The following MORC1 variants were observed in gnomAD, a reference collection of about 807,000 sequenced individuals.
MORC1 encodes the protein MORC family CW-type zinc finger protein 1.
MORC1 carries 59 observed loss-of-function variants against 134.9 expected under a neutral mutation model. The observed-to-expected ratio is 0.44, with a 90% CI of 0.35 to 0.54. The LOEUF is 0.54. MORC1 is among the 20% of genes least tolerant of loss of function. The pLI is 0.00. For synonymous variants in MORC1, 395 were observed against 391.7 expected (o/e 1.01, Z -0.10); for missense variants, 947 against 1,134.5 (o/e 0.83, Z 2.37).
At chr3:108,979,791 C>A in intron 23 of MORC1, 124 bp from the exon 24 acceptor site, 4 of 959,736 alleles carry the variant, frequency 4.2e-6, no homozygotes, top group East Asian at 2.7e-5. Flanking sequence ...CGTGTAATGC[C>A]GAAAACTGCC....
intron 8 of MORC1, among the ~76,000 whole-genome samples, chr3:109,088,552 T>A (rs1421137964): frequency 6.6e-6 from 1 of 152,024 alleles, no homozygotes; most frequent in Non-Finnish European, 1.5e-5. Context: ...TATTAAAATG[T>A]TGAAAAATTA....
At chr3:109,046,847 A>G (rs1003437018) in intron 14 of MORC1, among the ~76,000 whole-genome samples, 5 of 152,184 alleles carry the variant, frequency 3.3e-5, no homozygotes, top group African/African-American at 1.2e-4. Context: ...TTGTTTTTGT[A>G]GCAAGAGCAG....
intron 8 of MORC1, among the ~76,000 whole-genome samples, chr3:109,071,782 G>C (rs965552440): frequency 1.3e-5 from 2 of 152,186 alleles, no homozygotes; most frequent in African/African-American, 4.8e-5. Flanking sequence ...AGCCCAGCAT[G>C]TAGCGAAGTT....
intron 24 of MORC1, among the ~76,000 whole-genome samples, chr3:108,977,437 C>T (rs1378333500): frequency 6.6e-6 from 1 of 152,034 alleles, no homozygotes; most frequent in South Asian, 2.1e-4. Context: ...AGGCTGATCT[C>T]GAACTGCTTG....
At chr3:109,025,379 CTTTT>C (rs63701060) in intron 17 of MORC1, among the ~76,000 whole-genome samples, 4 of 105,100 alleles carry the variant, frequency 3.8e-5, no homozygotes, top group Middle Eastern at 5.2e-3. Flanking sequence ...TTTCTTTTTT[CTTTT>C]TTTTTTTTTT....
At chr3:109,037,154 T>C (rs1417565403) in intron 14 of MORC1, among the ~76,000 whole-genome samples, 1 of 152,234 alleles carries the variant, frequency 6.6e-6, no homozygotes, top group African/African-American at 2.4e-5. Flanking sequence ...GTCTGGGGGT[T>C]AATGGCACAG....
At chr3:109,081,858 A>T (rs964877671) in intron 8 of MORC1, among the ~76,000 whole-genome samples, 2 of 152,196 alleles carry the variant, frequency 1.3e-5, no homozygotes, top group Admixed American at 1.3e-4. Flanking sequence ...AGAAAAAGTG[A>T]GAGCAAGGTG....
chr3:109,030,810 T>A (rs1000218178), intron 16 of MORC1, among the ~76,000 whole-genome samples: 9 of 152,186 alleles, frequency 5.9e-5, no homozygotes, highest in African/African-American at 2.2e-4. Context: ...CAATAGCTTA[T>A]TATACATTTT....
At chr3:108,969,208 A>T (rs1032405036) in intron 26 of MORC1, among the ~76,000 whole-genome samples, 1 of 152,220 alleles carries the variant, frequency 6.6e-6, no homozygotes, top group Non-Finnish European at 1.5e-5. Flanking sequence ...ATGAATTTTT[A>T]AAAATTGCTT....
At position 108,958,900 on chromosome 3, in the gene MORC1, A is replaced by C. The variant is rs1043930305; in HGVS notation, c.*65T>G. The C allele has an allele frequency of 3.2e-6, 4 of 1,231,316 alleles. No individual in the cohort carries two copies. Among genetic ancestry groups the C allele is most frequent in the Non-Finnish European group, 3.3e-6 (3 of 919,482 alleles). 76.3% of individuals were successfully genotyped at this position (1,231,316 alleles called of 1,614,324 possible). On this transcript the variant is annotated 3_prime_UTR_variant, in exon 28 of 28. Transcript: ENST00000232603. ...TTACAGTAACAACAACAAAAAAGAAAAATTTTTAAAAGAATCTTCCAATTT... is the reference window on the plus strand; with the variant it reads ...TTACAGTAACAACAACAAAAAAGAACAATTTTTAAAAGAATCTTCCAATTT...
chr3:109,059,668 T>C (rs922092257), intron 12 of MORC1, 138 bp downstream of exon 12: 1 of 613,868 alleles, frequency 1.6e-6, no homozygotes, highest in Non-Finnish European at 2.8e-6. Flanking sequence ...AACTTGACTA[T>C]ATTAGGTTTC....
chr3:109,084,034 T>C (rs1310133732), intron 8 of MORC1, among the ~76,000 whole-genome samples: 1 of 152,112 alleles, frequency 6.6e-6, no homozygotes, highest in East Asian at 1.9e-4. Context: ...CTATGTATGA[T>C]AAACACATAG....
intron 23 of MORC1, among the ~76,000 whole-genome samples, chr3:108,983,794 A>G (rs767435748): frequency 7.2e-5 from 11 of 152,360 alleles, no homozygotes; most frequent in Non-Finnish European, 1.5e-4. Context: ...CTTAAATGAA[A>G]GGGTAACTGA....
chr3:109,049,436 TC>T (rs1949769595), intron 14 of MORC1, among the ~76,000 whole-genome samples: 1 of 152,204 alleles, frequency 6.6e-6, no homozygotes, highest in South Asian at 2.1e-4. Flanking sequence ...GGTCTGATTT[TC>T]CTGTCCTATG....
chr3:109,105,280 T>G (rs1951006241), intron 3 of MORC1, among the ~76,000 whole-genome samples: 1 of 152,162 alleles, frequency 6.6e-6, no homozygotes, highest in African/African-American at 2.4e-5. Flanking sequence ...ATCCCAGCAC[T>G]TCGGGAGGCC....
rs768799293 is a variant in MORC1, at chr3:109,004,905, T to C, written c.2014-17A>G. Reference sequence around the variant, plus strand: ...CTGACTTCTCTTTCAAAACAGAGAATACAGAAAAAAAAATTAGAAATTGGG... The same window carrying C: ...CTGACTTCTCTTTCAAAACAGAGAACACAGAAAAAAAAATTAGAAATTGGG... On this transcript the variant is annotated splice_polypyrimidine_tract_variant and intron_variant, in intron 19 of 27. Transcript: ENST00000232603. The C allele has an allele frequency of 4.4e-6, 7 of 1,604,106 alleles. No individual in the cohort carries two copies. The highest frequency in any genetic ancestry group is 3.5e-5 in the Admixed American group (2 of 57,708).
intron 17 of MORC1, among the ~76,000 whole-genome samples, chr3:109,017,133 C>T (rs1948835053): frequency 6.7e-6 from 1 of 149,544 alleles, no homozygotes; most frequent in Admixed American, 6.7e-5. Flanking sequence ...TCCCACCTGG[C>T]TTTCCCTCTG....
chr3:109,060,430 A>C (rs1950054796), intron 11 of MORC1, among the ~76,000 whole-genome samples: 2 of 151,140 alleles, frequency 1.3e-5, no homozygotes, highest in Admixed American at 1.3e-4. Context: ...CAACTCATTC[A>C]CTACTCTAAA....
intron 17 of MORC1, among the ~76,000 whole-genome samples, chr3:109,012,601 AC>A (rs1344020453): frequency 3.9e-5 from 6 of 152,188 alleles, no homozygotes; most frequent in African/African-American, 1.2e-4. Flanking sequence ...GCAGTGTTCT[AC>A]AGCTTTCAGT....
Sources: allele counts gnomAD v4.1 joint callset (sites outside exome capture counted in the v4.1 genomes callset), GRCh38; gene constraint gnomAD v4.1.1; transcripts MANE v1.5; gene names NCBI Gene and HGNC (gene_info 2026-07-23, HGNC 2026-07-21).